Variants in CHST6 observed in about 807,000 individuals in gnomAD.
CHST6 encodes N-acetylglucosamine 6-O-sulfotransferase 5.
For missense variants in CHST6, 698 were observed against 586.2 expected (o/e 1.19, Z -1.97); for synonymous variants, 309 against 276.4 (o/e 1.12, Z -1.17).
Position 75,483,073 on chromosome 16 carries a change from G to T in CHST6, c.-91-1182C>A, listed in dbSNP as rs371203628. 2.8e-4 allele frequency among the ~76,000 whole-genome samples: 42 copies of T among 152,332 alleles called. No homozygotes were observed. The East Asian group carries it at 4.2e-3, about 15-fold the overall frequency. ...AGTGCTAGGTGCTTCAAGTCCACGCGATGACTTAACTCAACGGGCCCTGAG... is the reference window on the plus strand; with the variant it reads ...AGTGCTAGGTGCTTCAAGTCCACGCTATGACTTAACTCAACGGGCCCTGAG... On this transcript the variant is annotated intron_variant, in intron 1 of 2. Coordinates refer to ENST00000332272, the MANE Select transcript of CHST6 (RefSeq NM_021615.5).
At chr16:75,493,423 C>T (rs941973636) in intron 1 of CHST6, among the ~76,000 whole-genome samples, 6 of 151,254 alleles carry the variant, frequency 4.0e-5, no homozygotes, top group East Asian at 1.9e-4. Context: ...GCAGGAGAAT[C>T]GCTTGAACCT....
chr16:75,482,704 T>A (rs1399509696), intron 1 of CHST6, among the ~76,000 whole-genome samples: 3 of 152,148 alleles, frequency 2.0e-5, no homozygotes, highest in Non-Finnish European at 4.4e-5. Flanking sequence ...CCTGGAAGTT[T>A]TCTCCTTGCT....
rs752504776 is a variant in CHST6, at chr16:75,479,813, C to T, written c.16G>A (p.Val6Ile). The change falls in exon 3 of 3, where the codon GTC (valine) becomes ATC (isoleucine). Residue 6 changes from valine to isoleucine, a missense_variant. Val to Ile is a conservative substitution (Grantham distance 29). Coordinates refer to ENST00000332272, the MANE Select transcript of CHST6 (RefSeq NM_021615.5). ...AGCGCGGTCACTGCTGTGCTGGAGA[C>T]GCGCGGCAGCCACATGCTGACTGCT... Reference protein sequence around the residue: MWLPRVSSTAVTALLL... With the variant: MWLPRISSTAVTALLL... 7 of 1,561,822 alleles carry T rather than the reference C, an allele frequency of 4.5e-6. No homozygotes were observed. Among genetic ancestry groups the T allele is most frequent in the East Asian group, 2.3e-5 (1 of 42,618 alleles).
rs1158216090 is a variant in CHST6, at chr16:75,476,666, A to C, written c.*1975T>G. On this transcript the variant is annotated 3_prime_UTR_variant, in exon 3 of 3. Transcript: ENST00000332272. ...ACTGTCTTTGAAAAAGTGGGCCCTC[A>C]TCAGACAGCACTGGTGGCTTGATCT... 1 of 151,672 alleles carries C rather than the reference A, an allele frequency of 6.6e-6. No homozygotes were observed. Among genetic ancestry groups the C allele is most frequent in the East Asian group, 1.9e-4 (1 of 5,178 alleles). 9.4% of individuals were successfully genotyped at this position (151,672 alleles called of 1,614,324 possible).
At chr16:75,488,472 G>T (rs1312065612) in intron 1 of CHST6, among the ~76,000 whole-genome samples, 4 of 139,442 alleles carry the variant, frequency 2.9e-5, no homozygotes, top group Admixed American at 7.2e-5. Flanking sequence ...CCCGTCACAA[G>T]GAGAAAAAAA....
Position 75,479,574 on chromosome 16 carries a change from G to A in CHST6, c.255C>T (p.Ala85=). The part of the protein sequence containing the change: ...HVWTTLSQGS[A]ATLHMAVRDL... ...CGCGCACAGCCATGTGCAGCGTTGC[G>A]GCGCTGCCCTGCGACAGGGTGGTCC... The change falls in exon 3 of 3, where the codon GCC becomes GCT. Residue 85 remains alanine (A), a synonymous_variant. Coordinates refer to ENST00000332272, the MANE Select transcript of CHST6 (RefSeq NM_021615.5). 6.2e-7 allele frequency: 1 copy of A among 1,613,004 alleles called. No homozygotes were observed. Among genetic ancestry groups the A allele is most frequent in the Non-Finnish European group, 8.5e-7 (1 of 1,179,900 alleles).
rs968109761 is a variant in CHST6 at position 75,474,517 on chromosome 16, C to G, written c.*4124G>C. 1 of 397,684 alleles carries G rather than the reference C, an allele frequency of 2.5e-6. No homozygotes were observed. The highest frequency in any genetic ancestry group is 2.1e-5 in the African/African-American group (1 of 48,574). The allele number at this position is 397,684 out of a possible 1,614,324, so 24.6% of individuals were successfully genotyped here. ...TCTTGAGTGCCTGGTCTCAAGTGAT[C>G]CTCCTGCCTCAGCCTTGCAAAGTAT... is the stretch of plus-strand genomic sequence containing the variant. On this transcript the variant is annotated 3_prime_UTR_variant, in exon 3 of 3. Transcript: ENST00000332272.
Position 75,479,223 on chromosome 16 carries a change from G to A in CHST6, c.606C>T (p.Arg202=). Residue 202 remains arginine, a synonymous_variant, in exon 3 of 3, where the codon CGC becomes CGT. Transcript: ENST00000332272. ...ALNLRIVHLV[R]DPRAVLRSRE... ...GGGAGCGCAGCACGGCCCGCGGGTCGCGCACCAGGTGCACGATGCGTAGGT... is the reference window on the plus strand; with the variant it reads ...GGGAGCGCAGCACGGCCCGCGGGTCACGCACCAGGTGCACGATGCGTAGGT... 1 of 1,610,640 alleles carries A rather than the reference G, an allele frequency of 6.2e-7. No individual in the cohort carries two copies.
At chr16:75,494,705 C>T (rs1000000793) in intron 1 of CHST6, among the ~76,000 whole-genome samples, 1 of 152,224 alleles carries the variant, frequency 6.6e-6, no homozygotes, top group Non-Finnish European at 1.5e-5. Context: ...GGGGTTCTCC[C>T]CTCGCAGTGA....
In CHST6 at chr16:75,475,805, A is replaced by G. The variant is rs886052303; in HGVS notation, c.*2836T>C. On this transcript the variant is annotated 3_prime_UTR_variant, in exon 3 of 3. Transcript: ENST00000332272. ...AAGAGGCCATTAATTGCAGCCATCA[A>G]TAAAATTTGTGACCTAAACAGGGGC... is the stretch of plus-strand genomic sequence containing the variant. 2.6e-5 allele frequency: 4 copies of G among 152,234 alleles called. No homozygotes were observed. Among genetic ancestry groups the G allele is most frequent in the African/African-American group, 7.2e-5 (3 of 41,466 alleles). 9.4% of individuals were successfully genotyped at this position (152,234 alleles called of 1,614,324 possible).
At chr16:75,484,419 G>A (rs2080173811) in intron 1 of CHST6, among the ~76,000 whole-genome samples, 1 of 152,216 alleles carries the variant, frequency 6.6e-6, no homozygotes, top group Non-Finnish European at 1.5e-5. Flanking sequence ...TCTGTGGTGG[G>A]TGTCGCAGTC....
In CHST6 at chr16:75,476,993, C is replaced by T. The variant is rs1240288281; in HGVS notation, c.*1648G>A. ...GCCTGACCTCAGGTGATTCATCCCC[C>T]TCGGCCTCCCACAGTGCTGGGATTA... On this transcript the variant is annotated 3_prime_UTR_variant, in exon 3 of 3. Coordinates refer to ENST00000332272, the MANE Select transcript of CHST6 (RefSeq NM_021615.5). The T allele has an allele frequency of 6.6e-6, 1 of 152,180 alleles. No homozygotes were observed. Among genetic ancestry groups the T allele is most frequent in the Admixed American group, 6.5e-5 (1 of 15,274 alleles). The allele number at this position is 152,180 out of a possible 1,614,324, so 9.4% of individuals were successfully genotyped here.
chr16:75,472,962 A>G lies in CHST6; in HGVS notation c.*5679T>C, dbSNP rs1394561003. On this transcript the variant is annotated 3_prime_UTR_variant, in exon 3 of 3. Transcript: ENST00000332272. ...GCTGGGCCTAGACACTTCTAGCTGCATCACAGGGCCTACAGGTAAGGGGAG... is the reference window on the plus strand; with the variant it reads ...GCTGGGCCTAGACACTTCTAGCTGCGTCACAGGGCCTACAGGTAAGGGGAG... 2.0e-5 allele frequency: 3 copies of G among 152,072 alleles called. No individual in the cohort carries two copies. Among genetic ancestry groups the G allele is most frequent in the Admixed American group, 2.0e-4 (3 of 15,254 alleles). The allele number at this position is 152,072 out of a possible 1,614,324, so 9.4% of individuals were successfully genotyped here.
At position 75,487,080 on chromosome 16, in the gene CHST6, G is replaced by A. The variant is rs529083660; in HGVS notation, c.-91-5189C>T. The stretch of plus-strand genomic sequence containing the variant: ...GAGTAGAGGACATGAACAAATACTT[G>A]CCATTGCACTCAGATACTCTGTGGT... On this transcript the variant is annotated intron_variant, in intron 1 of 2. Coordinates refer to ENST00000332272, the MANE Select transcript of CHST6 (RefSeq NM_021615.5). 7.9e-5 allele frequency among the ~76,000 whole-genome samples: 12 copies of A among 152,318 alleles called. No individual in the cohort carries two copies. The South Asian group carries it at 2.1e-3, about 26-fold the overall frequency.
At chr16:75,491,965 G>A (rs760757322) in intron 1 of CHST6, among the ~76,000 whole-genome samples, 1 of 152,348 alleles carries the variant, frequency 6.6e-6, no homozygotes, top group Middle Eastern at 3.4e-3. Context: ...GCCAGGCTGT[G>A]GCTGAAGCTG....
Position 75,486,274 on chromosome 16 carries a change from G to A in CHST6, c.-91-4383C>T, listed in dbSNP as rs955874211. 5.9e-5 allele frequency among the ~76,000 whole-genome samples: 9 copies of A among 152,346 alleles called. No individual in the cohort carries two copies. In the South Asian group the frequency reaches 6.2e-4, roughly 11 times the overall value. On this transcript the variant is annotated intron_variant, in intron 1 of 2. Transcript: ENST00000332272. Reference sequence around the variant, plus strand: ...CTTTGGATTGTGGTTTTTCGCAAGCGAACACCTGTTCTCCGGTGACTAGTG... The same window carrying A: ...CTTTGGATTGTGGTTTTTCGCAAGCAAACACCTGTTCTCCGGTGACTAGTG...
Position 75,479,036 on chromosome 16 carries a change from G to A in CHST6, c.793C>T (p.Arg265Cys), listed in dbSNP as rs113518655. Residue 265 changes from arginine (R) to cysteine (C), a missense_variant, in exon 3 of 3, where the codon CGC becomes TGC. Arg to Cys is a radical substitution (Grantham distance 180). Coordinates refer to ENST00000332272, the MANE Select transcript of CHST6 (RefSeq NM_021615.5). ...AAGCGCACCAGGCGGTAGCGGCCGCGCAGAAAGGGTGGCGGCTTGAGTGTG... is the reference window on the plus strand; with the variant it reads ...AAGCGCACCAGGCGGTAGCGGCCGCACAGAAAGGGTGGCGGCTTGAGTGTG... Reference protein sequence around the residue: ...AATLKPPPFLRGRYRLVRFED... With the variant: ...AATLKPPPFLCGRYRLVRFED... 3 of 1,609,324 alleles carry A rather than the reference G, an allele frequency of 1.9e-6. No homozygotes were observed. Among genetic ancestry groups the A allele is most frequent in the Non-Finnish European group, 1.7e-6 (2 of 1,179,784 alleles).
intron 1 of CHST6, among the ~76,000 whole-genome samples, chr16:75,489,398 C>CAAAA (rs901241278): frequency 5.2e-5 from 3 of 58,102 alleles, no homozygotes; most frequent in Non-Finnish European, 1.1e-4. Context: ...GACTCTGTCT[C>CAAAA]AAAAAAAAAA....
rs2080034264 is a variant in CHST6, at chr16:75,473,144, C to G, written c.*5497G>C. ...TCAAATGACTGAAACACAATAAGCA[C>G]TTTTATTGCTCCTAAAGTCTTCGAC... On this transcript the variant is annotated 3_prime_UTR_variant, in exon 3 of 3. Transcript: ENST00000332272. 2.0e-5 allele frequency: 3 copies of G among 152,302 alleles called. No homozygotes were observed. Among genetic ancestry groups the G allele is most frequent in the Non-Finnish European group, 2.9e-5 (2 of 68,080 alleles). 9.4% of individuals were successfully genotyped at this position (152,302 alleles called of 1,614,324 possible). A position where few individuals can be genotyped will look rare whatever the true frequency, so the allele number is the denominator to read the frequency against.
Sources: gnomAD v4.1 joint callset for allele counts (sites outside exome capture counted in the v4.1 genomes callset) on GRCh38, gnomAD v4.1.1 for gene constraint, MANE v1.5 for transcripts, NCBI Gene and HGNC (gene_info 2026-07-23, HGNC 2026-07-21) for gene names.